The following STIMATE variants were observed in gnomAD, a reference collection of about 807,000 sequenced individuals.
The protein encoded by STIMATE is store-operated calcium entry regulator STIMATE.
A neutral mutation model predicts 36.7 loss-of-function variants in STIMATE; 15 were observed. That is an observed-to-expected ratio of 0.41 (90% CI 0.27 to 0.63). The LOEUF is 0.63. Among genes scored for constraint, STIMATE ranks in the 20% least tolerant of loss-of-function variants. STIMATE has a pLI of 0.32. For synonymous variants in STIMATE, 163 were observed against 162.3 expected, an observed-to-expected ratio of 1.00 and a Z score of -0.03; for missense variants, 305 against 397.3, an observed-to-expected ratio of 0.77 and a Z score of 1.98.
At chr3:52,850,967 G>C (rs1415922862) in intron 3 of STIMATE, among the ~76,000 whole-genome samples, 1 of 152,156 alleles carries the variant, frequency 6.6e-6, no homozygotes, top group Non-Finnish European at 1.5e-5. Context: ...GGCCTCAAGG[G>C]ATATGCCCAC....
At chr3:52,879,350 C>T (rs1373349362) in intron 1 of STIMATE, among the ~76,000 whole-genome samples, 1 of 152,188 alleles carries the variant, frequency 6.6e-6, no homozygotes, top group Non-Finnish European at 1.5e-5. Flanking sequence ...CAAATCATCA[C>T]CCGCTATGAG....
intron 1 of STIMATE, among the ~76,000 whole-genome samples, chr3:52,879,126 A>C (rs748621582): frequency 3.2e-4 from 49 of 152,246 alleles, no homozygotes; most frequent in Admixed American, 2.6e-4. Context: ...TAAATTACAC[A>C]TAAGACCTTT....
chr3:52,858,042 A>C (rs1701139714), intron 1 of STIMATE, among the ~76,000 whole-genome samples: 1 of 152,128 alleles, frequency 6.6e-6, no homozygotes, highest in South Asian at 2.1e-4. Context: ...CGTCATCTGC[A>C]AGCCAAGGAG....
At chr3:52,843,000 AT>A (rs1205769584) in intron 6 of STIMATE, 40 bp from the exon 7 acceptor site, 1 of 1,613,032 alleles carries the variant, frequency 6.2e-7, no homozygotes, top group African/African-American at 1.3e-5. Context: ...GGGATAAACC[AT>A]TTTTCAAAGC....
chr3:52,893,371 C>CA (rs113274116), intron 1 of STIMATE, among the ~76,000 whole-genome samples: 95 of 118,488 alleles, frequency 8.0e-4, no homozygotes, highest in Middle Eastern at 4.2e-3. Flanking sequence ...ATGGCTCAGC[C>CA]AAAAAAAAAA....
At chr3:52,843,106 C>T in intron 6 of STIMATE, 146 bp from the exon 7 acceptor site, 1 of 1,386,934 alleles carries the variant, frequency 7.2e-7, no homozygotes, top group East Asian at 2.5e-5. Flanking sequence ...CTGCTCTCTC[C>T]CAAAGCTTAG....
At chr3:52,897,229 A>AG (rs990186001) in intron 1 of STIMATE, 62 bp downstream of exon 1, 1 of 1,511,926 alleles carries the variant, frequency 6.6e-7, no homozygotes, top group East Asian at 2.5e-5. Context: ...AGGGGCCCCC[A>AG]GGGGGGCCGG....
At chr3:52,880,511 C>A (rs1311045537) in intron 1 of STIMATE, among the ~76,000 whole-genome samples, 1 of 152,184 alleles carries the variant, frequency 6.6e-6, no homozygotes, top group African/African-American at 2.4e-5. Context: ...AGGAGAAAAG[C>A]AGGTGGCTGG....
At position 52,844,865 on chromosome 3, in the gene STIMATE, G is replaced by T; in HGVS notation, c.504C>A (p.Val168=). The change falls in exon 5 of 8, where the codon GTC becomes GTA. Residue 168 remains valine, a synonymous_variant. Transcript: ENST00000355083. ...GAAGTATTAGGAGGACGATGAAGAC[G>T]ACAGACTTTTCAAAAATCATGATCA... ...YIVIMIFEKS[V]VFIVLLILQW... is the part of the protein sequence containing the mutation. 3.7e-6 allele frequency: 6 copies of T among 1,614,126 alleles called. No homozygotes were observed. Among genetic ancestry groups the T allele is most frequent in the Non-Finnish European group, 5.1e-6 (6 of 1,180,018 alleles).
In STIMATE at chr3:52,861,242, C is replaced by T. The variant is rs1346706946; in HGVS notation, c.161-5798G>A. Among the ~76,000 whole-genome samples the T allele has an allele frequency of 5.3e-5, 8 of 152,260 alleles. No individual in the cohort carries two copies. In the South Asian group the frequency reaches 1.2e-3, roughly 24 times the overall value. On this transcript the variant is annotated intron_variant, in intron 1 of 7. Transcript: ENST00000355083. ...TGGAGTGATTCCTGCAAGAGCCCTA[C>T]TGAACAGAGAGAGGGGAGAAGGGGA...
intron 5 of STIMATE, 118 bp from the exon 6 acceptor site, chr3:52,843,916 C>G (rs1700851740): frequency 7.3e-7 from 1 of 1,361,294 alleles, no homozygotes; most frequent in South Asian, 1.3e-5. Context: ...TCCTCCAAAG[C>G]CCAATGGGAG....
intron 3 of STIMATE, 106 bp downstream of exon 3, chr3:52,852,497 C>T (rs1375190795): frequency 2.1e-6 from 3 of 1,402,024 alleles, no homozygotes; most frequent in Admixed American, 1.9e-5. Flanking sequence ...AGGGGAGCAC[C>T]CTCTCCCCAA....
At chr3:52,848,004 G>A (rs1217599499) in intron 4 of STIMATE, 2 of 161,130 alleles carry the variant, frequency 1.2e-5, no homozygotes, top group African/African-American at 4.8e-5. Context: ...AGAGGCTCCA[G>A]AAGCCAGCCC....
At chr3:52,870,200 C>T (rs1426854876) in intron 1 of STIMATE, among the ~76,000 whole-genome samples, 1 of 152,146 alleles carries the variant, frequency 6.6e-6, no homozygotes, top group African/African-American at 2.4e-5. Flanking sequence ...TCAGGTGATC[C>T]ACCTGCCTTG....
At chr3:52,852,499 T>C in intron 3 of STIMATE, 104 bp downstream of exon 3, 2 of 1,420,402 alleles carry the variant, frequency 1.4e-6, no homozygotes, top group Non-Finnish European at 1.9e-6. Flanking sequence ...GGGAGCACCC[T>C]CTCCCCAAGC....
At chr3:52,852,567 G>C (rs755898737) in intron 3 of STIMATE, 36 bp downstream of exon 3, 2 of 1,610,886 alleles carry the variant, frequency 1.2e-6, no homozygotes, top group Non-Finnish European at 1.7e-6. Flanking sequence ...CAATGGAGGG[G>C]CAGCTGATGT....
At chr3:52,852,452 G>A (rs1005687029) in intron 3 of STIMATE, 151 bp downstream of exon 3, 22 of 917,184 alleles carry the variant, frequency 2.4e-5, no homozygotes, top group Non-Finnish European at 3.7e-5. Context: ...AGGACAGCAT[G>A]TACAGGATGG....
intron 1 of STIMATE, among the ~76,000 whole-genome samples, chr3:52,883,561 A>G (rs1701643917): frequency 6.6e-6 from 1 of 152,208 alleles, no homozygotes; most frequent in Admixed American, 6.5e-5. Context: ...GCCTCTAGGA[A>G]ATCCAATTAC....
chr3:52,854,461 T>C (rs1412944145), intron 2 of STIMATE, among the ~76,000 whole-genome samples: 2 of 152,194 alleles, frequency 1.3e-5, no homozygotes, highest in Non-Finnish European at 2.9e-5. Context: ...ACAATGGGAT[T>C]TGGAGCGCTT....
Sources: allele counts gnomAD v4.1 joint callset (sites outside exome capture counted in the v4.1 genomes callset), GRCh38; gene constraint gnomAD v4.1.1; transcripts MANE v1.5; gene names NCBI Gene and HGNC (gene_info 2026-07-23, HGNC 2026-07-21).